The following WASF3 variants were observed in gnomAD, a reference collection of about 807,000 sequenced individuals.
The protein encoded by WASF3 is actin-binding protein WASF3.
Under a neutral mutation model 46.6 loss-of-function variants are expected in WASF3, and 11 were observed. The observed-to-expected ratio is 0.24, with a 90% CI of 0.15 to 0.39. The LOEUF (loss-of-function observed/expected upper bound fraction) is 0.39, where lower values mean the gene tolerates loss of function less well. Ranked by LOEUF, WASF3 falls within the 10% of genes least tolerant of loss-of-function variation. The pLI, the probability that WASF3 is intolerant of heterozygous loss-of-function variation, is 1.00. For synonymous variants in WASF3, 242 were observed against 259.7 expected, an observed-to-expected ratio of 0.93 and a Z score of 0.65; for missense variants, 576 against 669.8, an observed-to-expected ratio of 0.86 and a Z score of 1.55.
chr13:26,649,446 C>T (rs11843803), intron 3 of WASF3, among the ~76,000 whole-genome samples: 36,182 of 152,032 alleles, frequency 0.24, 4,943 homozygotes, highest in Non-Finnish European at 0.32. Context: ...TTTTAAAGAG[C>T]TTGGAAGTCA....
At chr13:26,638,024 C>G (rs1021986513) in intron 2 of WASF3, 3 of 152,366 alleles carry the variant, frequency 2.0e-5, no homozygotes, top group Non-Finnish European at 4.4e-5. Flanking sequence ...CAGTGCAAAC[C>G]TGACCCTTGC....
intron 2 of WASF3, chr13:26,640,464 C>T (rs1049243731): frequency 2.0e-5 from 3 of 151,212 alleles, no homozygotes; most frequent in Non-Finnish European, 4.4e-5. Context: ...TGCAGTGCCA[C>T]GATTTTGGCT....
At chr13:26,540,566 T>A in the WASF3 span, among the ~76,000 whole-genome samples, 1 of 152,216 alleles carries the variant, frequency 6.6e-6, no homozygotes, top group East Asian at 1.9e-4. Context: ...TATCCCAGGA[T>A]TGGTCACTGA....
Position 26,606,522 on chromosome 13 carries a change from A to AT in WASF3, c.-108-6422dup, listed in dbSNP as rs769595616. On this transcript the variant is annotated intron_variant, in intron 1 of 9. Coordinates refer to ENST00000335327, the MANE Select transcript of WASF3 (RefSeq NM_006646.6). ...AGGTGTGCGTCACCATGCCCAGCTA[A>AT]TTTTTTTTTTTTTTTTTAAGATACG... 9.1e-3 allele frequency: 1,252 copies of AT among 137,044 alleles called. 18 individuals carry two copies. The highest frequency in any genetic ancestry group is 0.027 in the African/African-American group (993 of 37,192). 8.5% of individuals were successfully genotyped at this position (137,044 alleles called of 1,614,324 possible).
At chr13:26,611,159 A>C (rs1186705381) in intron 1 of WASF3, among the ~76,000 whole-genome samples, 1 of 150,646 alleles carries the variant, frequency 6.6e-6, no homozygotes, top group Admixed American at 6.7e-5. Context: ...TGTGAGCCAC[A>C]CCGTGCCTGG....
In WASF3 at chr13:26,651,477, GA is replaced by G. The variant is rs1404746885; in HGVS notation, c.133+9078del. 2.6e-5 allele frequency among the ~76,000 whole-genome samples: 4 copies of G among 152,322 alleles called. No individual in the cohort carries two copies. In the East Asian group the frequency reaches 7.7e-4, roughly 29 times the overall value. ...ACTTGTCATCAGAAACATTGGACCA[GA>G]AAACAGTGGGTAAGTGCTAAAAGGA... is the stretch of plus-strand genomic sequence containing the variant. On this transcript the variant is annotated intron_variant, in intron 3 of 9. Coordinates refer to ENST00000335327, the MANE Select transcript of WASF3 (RefSeq NM_006646.6).
At chr13:26,559,913 G>A (rs1035166250) in intron 1 of WASF3, among the ~76,000 whole-genome samples, 2 of 144,664 alleles carry the variant, frequency 1.4e-5, no homozygotes, top group South Asian at 2.2e-4. Context: ...CGCCTCCTGG[G>A]TTCAAGCGAT....
At chr13:26,649,072 C>A (rs1417965429) in intron 3 of WASF3, among the ~76,000 whole-genome samples, 1 of 152,138 alleles carries the variant, frequency 6.6e-6, no homozygotes, top group Non-Finnish European at 1.5e-5. Context: ...TTCTGGCTAT[C>A]ACTAAATTTA....
chr13:26,540,389 G>T, the WASF3 span, among the ~76,000 whole-genome samples: 1 of 152,154 alleles, frequency 6.6e-6, no homozygotes, highest in African/African-American at 2.4e-5. Flanking sequence ...TGGCAGGAAG[G>T]CCAAGCCACC....
intron 2 of WASF3, among the ~76,000 whole-genome samples, chr13:26,636,313 C>A (rs2088757): frequency 6.6e-6 from 1 of 152,138 alleles, no homozygotes; most frequent in Non-Finnish European, 1.5e-5. Context: ...TGGTACCCAC[C>A]GAGCCAGGCA....
chr13:26,587,587 G>T (rs1483789484), intron 1 of WASF3, among the ~76,000 whole-genome samples: 1 of 152,180 alleles, frequency 6.6e-6, no homozygotes, highest in Non-Finnish European at 1.5e-5. Flanking sequence ...TATTTGTGCT[G>T]TCATAATTGA....
intron 1 of WASF3, among the ~76,000 whole-genome samples, chr13:26,561,965 A>AT (rs1273296327): frequency 3.3e-5 from 5 of 152,182 alleles, no homozygotes; most frequent in African/African-American, 9.7e-5. Context: ...TAAAAATGCC[A>AT]TTTTTTCTCT....
intron 9 of WASF3, among the ~76,000 whole-genome samples, chr13:26,685,432 G>C (rs890815715): frequency 3.9e-5 from 6 of 152,176 alleles, no homozygotes; most frequent in African/African-American, 1.2e-4. Context: ...TTCTCTAATG[G>C]TGTTCAGGTA....
At chr13:26,564,900 G>GTTTTTT (rs66809412) in intron 1 of WASF3, among the ~76,000 whole-genome samples, 46 of 81,600 alleles carry the variant, frequency 5.6e-4, no homozygotes, top group East Asian at 8.4e-4. Flanking sequence ...CAAGGTTGTG[G>GTTTTTT]TTTTTTTTTT....
intron 1 of WASF3, among the ~76,000 whole-genome samples, chr13:26,602,408 T>C (rs1046841757): frequency 5.9e-5 from 9 of 152,162 alleles, no homozygotes; most frequent in Non-Finnish European, 1.2e-4. Flanking sequence ...TTTTTGTTCG[T>C]TTGTATCTTC....
chr13:26,628,215 A>G (rs1412408854), intron 2 of WASF3, among the ~76,000 whole-genome samples: 1 of 152,202 alleles, frequency 6.6e-6, no homozygotes, highest in Non-Finnish European at 1.5e-5. Context: ...GGCTCCAAAT[A>G]GTAAGAAAAC....
intron 6 of WASF3, 111 bp from the exon 7 acceptor site, chr13:26,676,438 G>A (rs879490625): frequency 1.4e-5 from 17 of 1,176,422 alleles, no homozygotes; most frequent in South Asian, 3.1e-5. Context: ...AAATGCGAAT[G>A]TGTCTTGTCT....
intron 7 of WASF3, among the ~76,000 whole-genome samples, chr13:26,680,575 T>G (rs189398260): frequency 6.6e-6 from 1 of 152,340 alleles, no homozygotes; most frequent in Admixed American, 6.5e-5. Context: ...AAGAAAAATA[T>G]GATTCACTCT....
the WASF3 span, among the ~76,000 whole-genome samples, chr13:26,551,821 C>T: frequency 3.3e-5 from 5 of 152,232 alleles, no homozygotes; most frequent in Admixed American, 2.6e-4. Context: ...TTTGACTTAT[C>T]CTGTAGACAG....
Sources: gnomAD v4.1 joint callset for allele counts (sites outside exome capture counted in the v4.1 genomes callset) on GRCh38, gnomAD v4.1.1 for gene constraint, MANE v1.5 for transcripts, NCBI Gene and HGNC (gene_info 2026-07-23, HGNC 2026-07-21) for gene names.